The following FBXW10B variants were observed in gnomAD, a reference collection of about 807,000 sequenced individuals.
FBXW10B encodes F-box and WD repeat domain containing 10B, also known as F-box and WD repeat domain containing protein 10B.
the FBXW10B span, among the ~76,000 whole-genome samples, chr17:15,584,420 A>G: frequency 3.9e-5 from 6 of 152,340 alleles, no homozygotes; most frequent in Admixed American, 3.9e-4. Flanking sequence ...CTGAGAAGAT[A>G]TCAACTAGTA....
chr17:15,604,381 T>G, the FBXW10B span, among the ~76,000 whole-genome samples: 4 of 152,128 alleles, frequency 2.6e-5, no homozygotes, highest in Non-Finnish European at 5.9e-5. Flanking sequence ...GAATCATTAG[T>G]ATAAAATTAG....
the FBXW10B span, among the ~76,000 whole-genome samples, chr17:15,575,099 G>GCA: frequency 7.1e-6 from 1 of 141,766 alleles, no homozygotes; most frequent in African/African-American, 2.9e-5. Context: ...GGGGACAGCA[G>GCA]GAGACAAGTG....
the FBXW10B span, among the ~76,000 whole-genome samples, chr17:15,582,711 A>G: frequency 2.6e-5 from 4 of 152,118 alleles, no homozygotes; most frequent in Non-Finnish European, 4.4e-5. Context: ...AATAGTCCAG[A>G]AAAAGAAGAC....
the FBXW10B span, chr17:15,598,719 C>T: frequency 6.3e-7 from 1 of 1,590,420 alleles, no homozygotes; most frequent in Non-Finnish European, 8.6e-7. Context: ...CTGCGTAGAA[C>T]CCATGTAGAT....
the FBXW10B span, chr17:15,619,217 C>T: frequency 1.9e-6 from 3 of 1,613,976 alleles, no homozygotes; most frequent in South Asian, 1.1e-5. Flanking sequence ...CACAACTTTC[C>T]CCTCTTTCTT....
chr17:15,577,107 C>T, the FBXW10B span, among the ~76,000 whole-genome samples: 1 of 150,178 alleles, frequency 6.7e-6, no homozygotes, highest in South Asian at 2.1e-4. Context: ...TATGATTAGT[C>T]TCTTGGTGTG....
chr17:15,614,300 T>A, the FBXW10B span, among the ~76,000 whole-genome samples: 5 of 152,010 alleles, frequency 3.3e-5, no homozygotes, highest in Admixed American at 2.6e-4. Flanking sequence ...GCCATTCTCC[T>A]GCCTCAGCCT....
At chr17:15,600,405 T>G in the FBXW10B span, among the ~76,000 whole-genome samples, 2 of 148,168 alleles carry the variant, frequency 1.3e-5, no homozygotes, top group East Asian at 3.9e-4. Context: ...GTGCATTGAA[T>G]GATGGCACAG....
the FBXW10B span, chr17:15,593,390 T>A: frequency 6.2e-7 from 1 of 1,614,104 alleles, no homozygotes; most frequent in African/African-American, 1.3e-5. Flanking sequence ...CATTGGCTTT[T>A]ATCACCTTCA....
chr17:15,577,051 C>T, the FBXW10B span, among the ~76,000 whole-genome samples: 610 of 147,174 alleles, frequency 4.1e-3, 5 homozygotes, highest in African/African-American at 0.015. Context: ...GTCTAGCAGA[C>T]GGGTACCCAG....
chr17:15,585,504 T>C, the FBXW10B span, among the ~76,000 whole-genome samples: 8 of 152,112 alleles, frequency 5.3e-5, no homozygotes, highest in Admixed American at 5.2e-4. Flanking sequence ...GAGAAATGGA[T>C]TCCCTTTAAA....
the FBXW10B span, among the ~76,000 whole-genome samples, chr17:15,608,192 C>T: frequency 7.0e-6 from 1 of 142,848 alleles, no homozygotes; most frequent in Non-Finnish European, 1.5e-5. Flanking sequence ...GACGGAGTCT[C>T]GCTCTGTCAC....
chr17:15,607,681 A>T, the FBXW10B span: 1 of 1,612,608 alleles, frequency 6.2e-7, no homozygotes, highest in Non-Finnish European at 8.5e-7. Context: ...GGTTGTACTC[A>T]TTCTAACAAG....
the FBXW10B span, among the ~76,000 whole-genome samples, chr17:15,610,306 G>A: frequency 3.9e-5 from 6 of 152,234 alleles, no homozygotes; most frequent in Non-Finnish European, 8.8e-5. Flanking sequence ...CAGACTAAGA[G>A]TCTTTAAGGA....
the FBXW10B span, among the ~76,000 whole-genome samples, chr17:15,581,328 G>A: frequency 3.9e-5 from 6 of 152,104 alleles, no homozygotes; most frequent in African/African-American, 1.4e-4. Flanking sequence ...CCAACAGATG[G>A]AATAGTAGAG....
the FBXW10B span, chr17:15,572,278 A>T: frequency 6.6e-6 from 1 of 152,182 alleles, no homozygotes; most frequent in Non-Finnish European, 1.5e-5. Context: ...CGCCTGCTTC[A>T]CCATGCAACC....
chr17:15,612,126 G>A, the FBXW10B span, among the ~76,000 whole-genome samples: 1 of 152,144 alleles, frequency 6.6e-6, no homozygotes, highest in Admixed American at 6.5e-5. Context: ...ACAAAACACG[G>A]CCAGGGGCTT....
chr17:15,603,794 T>C, the FBXW10B span, among the ~76,000 whole-genome samples: 1 of 94,914 alleles, frequency 1.1e-5, no homozygotes, highest in Admixed American at 1.1e-4. Flanking sequence ...AAACAAGGGC[T>C]GGGCGCGGTG....
At chr17:15,594,550 G>A in the FBXW10B span, 14 of 724,968 alleles carry the variant, frequency 1.9e-5, no homozygotes, top group South Asian at 6.6e-5. Flanking sequence ...AAGGGAGAGT[G>A]GAAGAGGCTA....
Sources: gnomAD v4.1 joint callset for allele counts (sites outside exome capture counted in the v4.1 genomes callset) on GRCh38, gnomAD v4.1.1 for gene constraint, MANE v1.5 for transcripts, NCBI Gene and HGNC (gene_info 2026-07-23, HGNC 2026-07-21) for gene names.